SLC19A1: variants seen among roughly 807,000 people sequenced by gnomAD.
SLC19A1 encodes reduced folate transporter.
A neutral mutation model predicts 35.3 loss-of-function variants in SLC19A1; 37 were observed. That is an observed-to-expected ratio of 1.05 (90% CI 0.81 to 1.38). The LOEUF is 1.38. SLC19A1 is among the 40% of genes most tolerant of loss of function. The pLI is 0.00. For synonymous variants in SLC19A1, 460 were observed against 398.5 expected (o/e 1.15, Z -1.84); for missense variants, 831 against 826.9 (o/e 1.00, Z -0.06).
At chr21:45,518,138 A>G (rs908898812) in intron 5 of SLC19A1, among the ~76,000 whole-genome samples, 218 of 152,364 alleles carry the variant, frequency 1.4e-3, no homozygotes, top group African/African-American at 5.1e-3. Context: ...CATGCTGGAA[A>G]CAAATGAAAA....
chr21:45,514,896 C>A lies in SLC19A1; in HGVS notation c.*762G>T. ...CAGCCCAGGCAAGCCTGGCACATACCAAGGCCAGCACGTCCGCGGTGACCG... is the reference window on the plus strand; with the variant it reads ...CAGCCCAGGCAAGCCTGGCACATACAAAGGCCAGCACGTCCGCGGTGACCG... On this transcript the variant is annotated 3_prime_UTR_variant, in exon 6 of 6. Coordinates refer to ENST00000311124, the MANE Select transcript of SLC19A1 (RefSeq NM_194255.4). 2 of 1,165,890 alleles carry A rather than the reference C, an allele frequency of 1.7e-6. No individual in the cohort carries two copies. Among genetic ancestry groups the A allele is most frequent in the South Asian group, 1.8e-5 (1 of 54,326 alleles). The allele number at this position is 1,165,890 out of a possible 1,614,324, so 72.2% of individuals were successfully genotyped here. A position where few individuals can be genotyped will look rare whatever the true frequency, so the allele number is the denominator to read the frequency against.
upstream of SLC19A1, among the ~76,000 whole-genome samples, chr21:45,543,539 G>T (rs1320614086): frequency 1.3e-5 from 2 of 152,198 alleles, no homozygotes; most frequent in Non-Finnish European, 2.9e-5. Context: ...TGTTGCGGGG[G>T]TGCTCTTGGT....
In SLC19A1 at chr21:45,525,946, T is replaced by G; in HGVS notation, c.1164A>C (p.Ala388=). 6.2e-7 allele frequency: 1 copy of G among 1,613,262 alleles called. No homozygotes were observed. The highest frequency in any genetic ancestry group is 8.5e-7 in the Non-Finnish European group (1 of 1,179,876). Residue 388 remains alanine (A), a synonymous_variant, in exon 5 of 6, where the codon GCA becomes GCC. Transcript: ENST00000311124. The stretch of plus-strand genomic sequence containing the variant: ...CACAGAGCTCTTTAGACAGAGAAGA[T>G]GCAATCTGAAAGCTGAACGGGAAGA... The part of the protein sequence containing the change: ...FLVPIATFQI[A]SSLSKELCAL...
rs754075330 is a variant in SLC19A1, at chr21:45,531,886, C to G, written c.452G>C (p.Arg151Pro). The G allele has an allele frequency of 6.3e-7, 1 of 1,586,818 alleles. No homozygotes were observed. Among genetic ancestry groups the G allele is most frequent in the Non-Finnish European group, 8.6e-7 (1 of 1,167,268 alleles). Residue 151 changes from arginine to proline, a missense_variant, in exon 3 of 6, where the codon CGT becomes CCT. By Grantham distance (103) the Arg-to-Pro change is moderately radical (BLOSUM62 -2). Transcript: ENST00000311124. ...FSLVRPARYQ[R>P]VAGYSRAAVL... The stretch of plus-strand genomic sequence containing the variant: ...CGCAGCGCGCGAGTAGCCGGCCACA[C>G]GCTGGTAGCGCGCGGGCCGCACGAG...
chr21:45,560,138 C>T (rs1340283178), intron 1 of SLC19A1, among the ~76,000 whole-genome samples: 6 of 152,212 alleles, frequency 3.9e-5, no homozygotes, highest in African/African-American at 4.8e-5. Context: ...GAGCATAAAC[C>T]GTGCAGCCTT....
downstream of SLC19A1, among the ~76,000 whole-genome samples, chr21:45,511,931 A>G (rs1052609154): frequency 5.9e-5 from 9 of 152,224 alleles, no homozygotes; most frequent in African/African-American, 2.2e-4. Context: ...TCACCCAGCC[A>G]GGCCAAGCCC....
chr21:45,551,221 C>T, intron 1 of SLC19A1, among the ~76,000 whole-genome samples: 1 of 151,764 alleles, frequency 6.6e-6, no homozygotes, highest in Admixed American at 6.6e-5. Flanking sequence ...GCACTCCAGC[C>T]TGGGCGACAA....
chr21:45,503,454 C>T (rs1256491451), intron 3 of SLC19A1, among the ~76,000 whole-genome samples: 2 of 151,878 alleles, frequency 1.3e-5, no homozygotes, highest in East Asian at 3.9e-4. Flanking sequence ...TACTACGCAG[C>T]CATAAAAAAT....
At position 45,531,854 on chromosome 21, in the gene SLC19A1, G is replaced by C; in HGVS notation, c.484C>G (p.Leu162Val). 1 of 1,584,180 alleles carries C rather than the reference G, an allele frequency of 6.3e-7. No homozygotes were observed. ...VAGYSRAAVL[L>V]GVFTSSVLGQ... is the part of the protein sequence containing the mutation. Reference sequence around the variant, plus strand: ...AGCACGGAGCTGGTGAACACGCCCAGCAGCACCGCAGCGCGCGAGTAGCCG... The same window carrying C: ...AGCACGGAGCTGGTGAACACGCCCACCAGCACCGCAGCGCGCGAGTAGCCG... Residue 162 changes from leucine to valine, a missense_variant, in exon 3 of 6, where the codon CTG (leucine) becomes GTG (valine). Leu to Val is a conservative substitution (Grantham distance 32). Transcript: ENST00000311124.
rs940712240 is a variant in SLC19A1 at position 45,533,184 on chromosome 21, C to T, written c.190-1036G>A. Among the ~76,000 whole-genome samples, 1 of 152,224 alleles carries T rather than the reference C, an allele frequency of 6.6e-6. No individual in the cohort carries two copies. The highest frequency in any genetic ancestry group is 2.4e-5 in the African/African-American group (1 of 41,466). ...TCCTCCATCACATGTTATGTGGGAA[C>T]CCAGCTCCACAGCCTTGGCCACTGA... is the stretch of plus-strand genomic sequence containing the variant. On this transcript the variant is annotated intron_variant, in intron 2 of 5. Coordinates refer to ENST00000311124, the MANE Select transcript of SLC19A1 (RefSeq NM_194255.4). This position sits in a 1 kb window ranked among gnomAD's most constrained non-coding sequence, Gnocchi z 4.5.
At chr21:45,550,284 G>T (rs2078452597) in intron 1 of SLC19A1, among the ~76,000 whole-genome samples, 1 of 152,118 alleles carries the variant, frequency 6.6e-6, no homozygotes, top group Non-Finnish European at 1.5e-5. Flanking sequence ...GCCCCAAAGG[G>T]TCACATGAGA....
In SLC19A1 at chr21:45,530,489, C is replaced by CG. The variant is rs2077833225; in HGVS notation, c.1151+280dup. On this transcript the variant is annotated intron_variant, in intron 4 of 5. Coordinates refer to ENST00000311124, the MANE Select transcript of SLC19A1 (RefSeq NM_194255.4). The surrounding 1 kb of genome is among the most constrained non-coding windows in gnomAD (Gnocchi z 5.3). ...CTGCCTGGATGGGGTCTCAGCAGCC[C>CG]GGGGCCTAGAGGGTGGGGTTGGGAG... Among the ~76,000 whole-genome samples the CG allele has an allele frequency of 6.6e-6, 1 of 152,078 alleles. No homozygotes were observed. The highest frequency in any genetic ancestry group is 6.5e-5 in the Admixed American group (1 of 15,276).
intron 3 of SLC19A1, chr21:45,507,036 G>T (rs2146097730): frequency 3.2e-6 from 1 of 316,262 alleles, no homozygotes; most frequent in Non-Finnish European, 6.3e-6. Context: ...GAGGAGGCAG[G>T]GGATGGCATC....
intron 1 of SLC19A1, among the ~76,000 whole-genome samples, chr21:45,559,381 AAC>A (rs1314454968): frequency 6.6e-6 from 1 of 152,146 alleles, no homozygotes; most frequent in South Asian, 2.1e-4. Context: ...CAAGGAGACA[AAC>A]ACACACACTG....
rs1288032048 is a variant in SLC19A1, at chr21:45,540,879, G to A, written c.-50+1489C>T. Among the ~76,000 whole-genome samples the A allele has an allele frequency of 6.8e-6, 1 of 146,826 alleles. No individual in the cohort carries two copies. The highest frequency in any genetic ancestry group is 1.5e-5 in the Non-Finnish European group (1 of 66,956). On this transcript the variant is annotated intron_variant, in intron 1 of 5. Coordinates refer to ENST00000311124, the MANE Select transcript of SLC19A1 (RefSeq NM_194255.4). The surrounding 1 kb of genome is among the most constrained non-coding windows in gnomAD (Gnocchi z 5.5). ...CAGTGACCAGCCCCACCCAGGCCCTGTCCTTCCAAGCACCAGAGAAGGCCA... is the reference window on the plus strand; with the variant it reads ...CAGTGACCAGCCCCACCCAGGCCCTATCCTTCCAAGCACCAGAGAAGGCCA...
At chr21:45,543,021 C>T (rs1221572044), upstream of SLC19A1, among the ~76,000 whole-genome samples, 2 of 152,110 alleles carry the variant, frequency 1.3e-5, no homozygotes, top group East Asian at 3.9e-4. Context: ...CGGGACCCCG[C>T]CGCCCGCCCT....
In SLC19A1 at chr21:45,505,119, T is replaced by C. The variant is rs1011058478; in HGVS notation, c.498-6507A>G. 1.1e-5 allele frequency: 17 copies of C among 1,606,508 alleles called. No homozygotes were observed. The African/African-American group carries it at 1.5e-4, about 14-fold the overall frequency. On this transcript the variant is annotated intron_variant, in intron 3 of 4. Transcript: ENST00000417954. ...CACGAGGTAACCAGGAAGCGTCTCTTGTCGCCGTCCGTAGGGTCCCAAGGG... is the reference window on the plus strand; with the variant it reads ...CACGAGGTAACCAGGAAGCGTCTCTCGTCGCCGTCCGTAGGGTCCCAAGGG...
chr21:45,509,319 T>TC (rs749103235), downstream of SLC19A1: 27 of 1,533,898 alleles, frequency 1.8e-5, no homozygotes, highest in South Asian at 2.4e-5. Flanking sequence ...ACCCGGAGGG[T>TC]CCCCCCGCCG....
intron 5 of SLC19A1, among the ~76,000 whole-genome samples, chr21:45,519,159 C>A (rs868176382): frequency 6.6e-6 from 1 of 151,990 alleles, no homozygotes; most frequent in South Asian, 2.1e-4. Context: ...TTAATGTAAT[C>A]CATAAAGCAA....
Sources: gnomAD v4.1 joint callset for allele counts (sites outside exome capture counted in the v4.1 genomes callset) on GRCh38, gnomAD v4.1.1 for gene constraint, Gnocchi (gnomAD v3.1) non-coding constraint, MANE v1.5 for transcripts, NCBI Gene and HGNC (gene_info 2026-07-23, HGNC 2026-07-21) for gene names.